THAP8: variants seen among roughly 807,000 people sequenced by gnomAD.
THAP8 encodes THAP domain containing 8, also known as THAP domain-containing protein 8.
THAP8 carries 24 observed loss-of-function variants against 25.0 expected under a neutral mutation model. The observed-to-expected ratio is 0.96, with a 90% CI of 0.69 to 1.35. The LOEUF is 1.35. THAP8 is among the 40% of genes most tolerant of loss of function. THAP8 has a pLI of 0.00. For synonymous variants in THAP8, 169 were observed against 157.6 expected (o/e 1.07, Z -0.54); for missense variants, 399 against 368.8 (o/e 1.08, Z -0.67).
chr19:36,039,670 G>T lies in THAP8; in HGVS notation c.325C>A (p.Pro109Thr). 2 of 1,524,276 alleles carry T rather than the reference G, an allele frequency of 1.3e-6. No individual in the cohort carries two copies. Among genetic ancestry groups the T allele is most frequent in the Non-Finnish European group, 1.8e-6 (2 of 1,134,882 alleles). 94.4% of individuals were successfully genotyped at this position (1,524,276 alleles called of 1,614,324 possible). ...STQKPVSPPP[P>T]LQKNTPLPQS... Reference sequence around the variant, plus strand: ...GGCAGGGGTGTATTCTTCTGTAGGGGAGGCGGCGGCGAGACTGGCTTCTGG... The same window carrying T: ...GGCAGGGGTGTATTCTTCTGTAGGGTAGGCGGCGGCGAGACTGGCTTCTGG... Residue 109 changes from proline to threonine, a missense_variant, in exon 3 of 4, where the codon CCC becomes ACC. Transcript: ENST00000292894.
In THAP8 at chr19:36,045,609, G is replaced by T. The variant is rs982873130; in HGVS notation, c.84-5473C>A. The stretch of plus-strand genomic sequence containing the variant: ...ATGACAAAAGATGTGATTAAGTTAA[G>T]GATCTTGAGATGGGGAGATTATCCT... On this transcript the variant is annotated intron_variant, in intron 1 of 3. Coordinates refer to ENST00000292894, the MANE Select transcript of THAP8 (RefSeq NM_152658.3). The T allele has an allele frequency of 1.0e-5, 4 of 400,798 alleles. No individual in the cohort carries two copies. In the East Asian group the frequency reaches 2.9e-4, roughly 29 times the overall value. 24.8% of individuals were successfully genotyped at this position (400,798 alleles called of 1,614,324 possible).
In THAP8 at chr19:36,035,444, G is replaced by A; in HGVS notation, c.821C>T (p.Ala274Val). The A allele has an allele frequency of 6.2e-7, 1 of 1,613,632 alleles. No individual in the cohort carries two copies. The highest frequency in any genetic ancestry group is 1.7e-5 in the Admixed American group (1 of 59,980). Residue 274 changes from alanine to valine, a missense_variant, in exon 4 of 4, where the codon GCA (alanine) becomes GTA (valine). Physicochemically the swap from Ala to Val is moderately conservative, Grantham distance 64. Coordinates refer to ENST00000292894, the MANE Select transcript of THAP8 (RefSeq NM_152658.3). ...CGACATTGTCTGTCTTGATCCTTAT[G>A]CACTGGGGATCCGAGTGTCCAGGAG... ...PELLDTRIPS[A>V]
At chr19:36,046,819 A>G (rs1249489753) in intron 1 of THAP8, among the ~76,000 whole-genome samples, 4 of 152,228 alleles carry the variant, frequency 2.6e-5, no homozygotes, top group Admixed American at 6.5e-5. Flanking sequence ...GTGTCCTGCT[A>G]AAAGACTATG....
rs1250976973 is a variant in THAP8 at position 36,050,053 on chromosome 19, C to CAA, written c.83+4080_83+4081dup. On this transcript the variant is annotated intron_variant, in intron 1 of 3. Coordinates refer to ENST00000292894, the MANE Select transcript of THAP8 (RefSeq NM_152658.3). ...TGGGCGGCAGAGCAAGACCCTGTCT[C>CAA]AAAAAAAAAAAAAAAAAAAAGATGA... Among the ~76,000 whole-genome samples the CAA allele has an allele frequency of 9.3e-3, 713 of 76,778 alleles. 9 individuals carry two copies. The highest frequency in any genetic ancestry group is 0.028 in the African/African-American group (663 of 23,960). 50.4% of individuals were successfully genotyped at this position (76,778 alleles called of 152,430 possible).
At position 36,039,973 on chromosome 19, in the gene THAP8, A is replaced by T; in HGVS notation, c.247T>A (p.Ser83Thr). Residue 83 changes from serine (S) to threonine (T), a missense_variant, in exon 2 of 4, where the codon TCC becomes ACC. Coordinates refer to ENST00000292894, the MANE Select transcript of THAP8 (RefSeq NM_152658.3). ...VRYLRPDAVP[S>T]IFSRGPPAKS... The stretch of plus-strand genomic sequence containing the variant: ...GCAGGTGGTCCCCGGGAGAAGATGG[A>T]GGGCACTGCATCAGGCCGCAGGTAG... 1 of 1,613,258 alleles carries T rather than the reference A, an allele frequency of 6.2e-7. No homozygotes were observed. The highest frequency in any genetic ancestry group is 8.5e-7 in the Non-Finnish European group (1 of 1,179,910).
chr19:36,045,823 C>T, intron 1 of THAP8: 1 of 456,696 alleles, frequency 2.2e-6, no homozygotes, highest in Non-Finnish European at 4.4e-6. Flanking sequence ...GATTCTCCCC[C>T]AGAACCTCCA....
chr19:36,048,511 G>A (rs1328084286), intron 1 of THAP8, among the ~76,000 whole-genome samples: 1 of 152,090 alleles, frequency 6.6e-6, no homozygotes, highest in South Asian at 2.1e-4. Context: ...GATTACAGGC[G>A]TGTGCCACCA....
rs752002407 is a variant in THAP8, at chr19:36,040,028, G to C, written c.192C>G (p.Pro64=). 2 of 1,613,864 alleles carry C rather than the reference G, an allele frequency of 1.2e-6. No individual in the cohort carries two copies. The highest frequency in any genetic ancestry group is 1.7e-6 in the Non-Finnish European group (2 of 1,179,950). The change falls in exon 2 of 4, where the codon CCC becomes CCG. Residue 64 remains proline (P), a synonymous_variant. Coordinates refer to ENST00000292894, the MANE Select transcript of THAP8 (RefSeq NM_152658.3). ...HQHLCSEHFT[P]SCFQWRWGVR... The stretch of plus-strand genomic sequence containing the variant: ...CACCCCAGCGCCACTGGAAGCAGGA[G>C]GGTGTGAAGTGCTCGCTGCACAAGT...
chr19:36,054,370 C>A (rs1970220941), upstream of THAP8: 1 of 909,402 alleles, frequency 1.1e-6, no homozygotes, highest in South Asian at 1.6e-5. Context: ...CTGAGAGCGC[C>A]TGCCTACTAG....
chr19:36,044,765 T>G (rs1054204025), intron 1 of THAP8, among the ~76,000 whole-genome samples: 9 of 152,170 alleles, frequency 5.9e-5, no homozygotes, highest in Non-Finnish European at 1.2e-4. Context: ...GTGCTGCGAT[T>G]ATAGGCATGA....
chr19:36,036,941 A>ACCC (rs1491420895), intron 3 of THAP8, among the ~76,000 whole-genome samples: 1 of 22,290 alleles, frequency 4.5e-5, no homozygotes, highest in African/African-American at 1.8e-4. Context: ...ACTCCTTCTC[A>ACCC]AAAAAAAAAA....
chr19:36,048,509 G>T (rs1489499969), intron 1 of THAP8, among the ~76,000 whole-genome samples: 1 of 152,090 alleles, frequency 6.6e-6, no homozygotes, highest in East Asian at 1.9e-4. Flanking sequence ...GGGATTACAG[G>T]CGTGTGCCAC....
At chr19:36,035,660 CG>C in intron 3 of THAP8, 68 bp from the exon 4 acceptor site, 1 of 1,562,322 alleles carries the variant, frequency 6.4e-7, no homozygotes, top group Non-Finnish European at 8.7e-7. Flanking sequence ...AGACAGATAA[CG>C]GTGAGGAACA....
At chr19:36,036,886 A>G (rs1040542029) in intron 3 of THAP8, among the ~76,000 whole-genome samples, 2 of 148,824 alleles carry the variant, frequency 1.3e-5, no homozygotes, top group Non-Finnish European at 3.0e-5. Flanking sequence ...GGTTGCAGTG[A>G]GCTGAGATCG....
At chr19:36,038,850 C>CA (rs541061979) in intron 3 of THAP8, among the ~76,000 whole-genome samples, 11,087 of 90,042 alleles carry the variant, frequency 0.12, 562 homozygotes, top group East Asian at 0.28. Context: ...GACTCCGTCT[C>CA]AAAAAAAAAA....
intron 1 of THAP8, among the ~76,000 whole-genome samples, chr19:36,049,072 G>A (rs138967079): frequency 6.6e-5 from 10 of 151,960 alleles, no homozygotes; most frequent in Admixed American, 4.6e-4. Context: ...AAGGGCCTAA[G>A]ACAGAGCTAA....
intron 1 of THAP8, among the ~76,000 whole-genome samples, chr19:36,041,170 T>C (rs1440359560): frequency 1.5e-4 from 22 of 150,832 alleles, no homozygotes; most frequent in Admixed American, 1.3e-3. Flanking sequence ...AAATTAGCCA[T>C]GTATGGTGGT....
intron 1 of THAP8, among the ~76,000 whole-genome samples, chr19:36,050,152 T>C (rs1411348829): frequency 6.6e-6 from 1 of 152,086 alleles, no homozygotes; most frequent in East Asian, 1.9e-4. Flanking sequence ...TTATTTCTTA[T>C]TTATTTATTT....
chr19:36,040,467 C>T (rs1969653195), intron 1 of THAP8, among the ~76,000 whole-genome samples: 1 of 152,158 alleles, frequency 6.6e-6, no homozygotes, highest in Non-Finnish European at 1.5e-5. Context: ...GCTGGGACTA[C>T]AGGCGCACGC....
Sources: allele counts gnomAD v4.1 joint callset (sites outside exome capture counted in the v4.1 genomes callset), GRCh38; gene constraint gnomAD v4.1.1; transcripts MANE v1.5; gene names NCBI Gene and HGNC (gene_info 2026-07-23, HGNC 2026-07-21).